Variants in CTDP1 observed in about 807,000 individuals in gnomAD.
The protein encoded by CTDP1 is CTD phosphatase 1, also known as RNA polymerase II subunit A C-terminal domain phosphatase.
CTDP1 carries 47 observed loss-of-function variants against 91.8 expected under a neutral mutation model. The ratio of observed to expected loss-of-function variants is 0.51; its 90% CI spans 0.41 to 0.65. The LOEUF is 0.65. Ranked by LOEUF, CTDP1 falls within the 30% of genes least tolerant of loss-of-function variation. CTDP1 has a pLI of 0.00. For synonymous variants in CTDP1, 656 were observed against 598.5 expected (o/e 1.10, Z -1.40); for missense variants, 1,272 against 1,373.7 (o/e 0.93, Z 1.17).
chr18:79,743,038 C>T (rs768576623), intron 12 of CTDP1, among the ~76,000 whole-genome samples: 8 of 152,184 alleles, frequency 5.3e-5, no homozygotes, highest in South Asian at 4.1e-4. Context: ...CCAGTAGCCG[C>T]GCCGAGGAGG....
At chr18:79,716,549 C>T (rs1307237108) in intron 8 of CTDP1, among the ~76,000 whole-genome samples, 6 of 152,196 alleles carry the variant, frequency 3.9e-5, no homozygotes, top group African/African-American at 1.4e-4. Context: ...AGACCCTTCT[C>T]TCCTGAGCGT....
chr18:79,699,419 C>G (rs1433263645), intron 4 of CTDP1, among the ~76,000 whole-genome samples: 1 of 152,040 alleles, frequency 6.6e-6, no homozygotes, highest in Non-Finnish European at 1.5e-5. Context: ...CGCCACCACA[C>G]CTGGCTAATT....
At chr18:79,731,852 G>T (rs560575669) in intron 11 of CTDP1, among the ~76,000 whole-genome samples, 3 of 152,230 alleles carry the variant, frequency 2.0e-5, no homozygotes, top group Non-Finnish European at 4.4e-5. Context: ...CACCAGGAGT[G>T]CTCCCAAGAT....
chr18:79,722,424 C>G (rs2086363499), intron 10 of CTDP1, among the ~76,000 whole-genome samples: 1 of 152,164 alleles, frequency 6.6e-6, no homozygotes, highest in South Asian at 2.1e-4. Flanking sequence ...ATGAAATTTT[C>G]TTCTGTTTTT....
At chr18:79,736,659 A>C in intron 12 of CTDP1, 138 bp downstream of exon 12, 4 of 893,652 alleles carry the variant, frequency 4.5e-6, no homozygotes, top group Non-Finnish European at 6.6e-6. Flanking sequence ...TTCCAAACTC[A>C]GCAGCCCCTG....
In CTDP1 at chr18:79,728,896, A is replaced by G; in HGVS notation, c.2418-11A>G. 6.2e-7 allele frequency: 1 copy of G among 1,613,682 alleles called. No homozygotes were observed. The highest frequency in any genetic ancestry group is 1.1e-5 in the South Asian group (1 of 91,088). ...ACCTTCCTCATGTGGGACCTATGAA[A>G]TTCCTTTCAGAGCGGTTCCGCCACC... On this transcript the variant is annotated splice_polypyrimidine_tract_variant and intron_variant, in intron 10 of 12. Coordinates refer to ENST00000613122, the MANE Select transcript of CTDP1 (RefSeq NM_004715.5).
At chr18:79,739,303 C>T (rs1337175355) in intron 12 of CTDP1, among the ~76,000 whole-genome samples, 2 of 152,180 alleles carry the variant, frequency 1.3e-5, no homozygotes, top group Admixed American at 6.5e-5. Flanking sequence ...GCATCCGTGT[C>T]TCCCCCTGTG....
intron 10 of CTDP1, among the ~76,000 whole-genome samples, chr18:79,725,050 T>A (rs1255710736): frequency 6.6e-6 from 1 of 152,206 alleles, no homozygotes; most frequent in Non-Finnish European, 1.5e-5. Context: ...TGTTGATTGA[T>A]ATGATGGTGT....
At chr18:79,693,758 C>T (rs2085673621) in intron 1 of CTDP1, among the ~76,000 whole-genome samples, 3 of 152,174 alleles carry the variant, frequency 2.0e-5, no homozygotes, top group South Asian at 4.1e-4. Flanking sequence ...CGCCCATCCT[C>T]CTCCCCAGGA....
rs564647902 is a variant in CTDP1 at position 79,715,042 on chromosome 18, C to G, written c.1582C>G (p.Pro528Ala). Reference protein sequence around the residue: ...EPGAHAPDKEPELGGQEEGER... With the variant: ...EPGAHAPDKEAELGGQEEGER... ...TGGCGCGCATGCCCCGGACAAGGAGCCTGAGCTGGGTGGGCAGGAGGAGGG... is the reference window on the plus strand; with the variant it reads ...TGGCGCGCATGCCCCGGACAAGGAGGCTGAGCTGGGTGGGCAGGAGGAGGG... The change falls in exon 8 of 13, where the codon CCT becomes GCT. Residue 528 changes from proline (P) to alanine (A), a missense_variant. Pro to Ala is a conservative substitution (Grantham distance 27). This residue lies in a region of CTDP1 where 881 missense variants were observed against 911.6 expected (regional missense o/e 0.97). Transcript: ENST00000613122. The G allele has an allele frequency of 1.2e-6, 2 of 1,608,690 alleles. No individual in the cohort carries two copies. The highest frequency in any genetic ancestry group is 1.1e-5 in the South Asian group (1 of 90,218).
At chr18:79,689,893 G>A (rs61451023) in intron 1 of CTDP1, among the ~76,000 whole-genome samples, 6,221 of 152,226 alleles carry the variant, frequency 0.041, 284 homozygotes, top group East Asian at 0.2. Context: ...AGCTGTGGCC[G>A]GCGGGATCCC....
chr18:79,712,068 C>G (rs1468092896), intron 6 of CTDP1, among the ~76,000 whole-genome samples: 2 of 152,166 alleles, frequency 1.3e-5, no homozygotes, highest in Admixed American at 1.3e-4. Flanking sequence ...CTTCAGAAAC[C>G]TCCTTTTTGC....
At chr18:79,711,835 CT>C (rs992329252) in intron 6 of CTDP1, among the ~76,000 whole-genome samples, 1 of 152,174 alleles carries the variant, frequency 6.6e-6, no homozygotes, top group South Asian at 2.1e-4. Flanking sequence ...CTTTTATATG[CT>C]TTGACGTTTC....
rs981469374 is a variant in CTDP1 at position 79,704,670 on chromosome 18, G to A, written c.622-97G>A. The A allele has an allele frequency of 6.5e-5, 98 of 1,505,564 alleles. 1 individual carries two copies. The highest frequency in any genetic ancestry group is 4.5e-4 in the South Asian group (40 of 89,100). The allele number at this position is 1,505,564 out of a possible 1,614,324, so 93.3% of individuals were successfully genotyped here. On this transcript the variant is annotated intron_variant, in intron 4 of 12. Transcript: ENST00000613122. Reference sequence around the variant, plus strand: ...TTCAGAACGCTTGTCTGGGGCACACGTGTGTTCTCAGGATGCCTGTCTCGG... The same window carrying A: ...TTCAGAACGCTTGTCTGGGGCACACATGTGTTCTCAGGATGCCTGTCTCGG...
chr18:79,725,802 C>G (rs478133), intron 10 of CTDP1, among the ~76,000 whole-genome samples: 32,352 of 151,802 alleles, frequency 0.21, 3,703 homozygotes, highest in Middle Eastern at 0.31. Flanking sequence ...CAGGACAAGA[C>G]TCTGGGTTGA....
At chr18:79,754,698 A>T (rs1202394428), downstream of CTDP1, 1 of 152,238 alleles carries the variant, frequency 6.6e-6, no homozygotes, top group African/African-American at 2.4e-5. Context: ...CCAGGCTTGT[A>T]GCTGGTATTT....
intron 1 of CTDP1, among the ~76,000 whole-genome samples, chr18:79,694,264 GGCACCTAGGGGTGGGCGC>G (rs2085692972): frequency 7.3e-6 from 1 of 136,612 alleles, no homozygotes; most frequent in Non-Finnish European, 1.6e-5. Context: ...GGGGGCTACA[GGCACCTAGGGGTGGGCGC>G]TGAGTGCTGG....
intron 1 of CTDP1, among the ~76,000 whole-genome samples, chr18:79,694,590 C>T (rs866300090): frequency 6.0e-5 from 8 of 133,740 alleles, no homozygotes; most frequent in Admixed American, 3.1e-4. Flanking sequence ...GTCTCATGTT[C>T]GCAGGGTGGG....
At position 79,679,888 on chromosome 18, in the gene CTDP1, C is replaced by T. The variant is rs1183470170; in HGVS notation, c.-60C>T. The T allele has an allele frequency of 1.5e-6, 2 of 1,314,954 alleles. No homozygotes were observed. Among genetic ancestry groups the T allele is most frequent in the East Asian group, 3.3e-5 (1 of 30,020 alleles). The allele number at this position is 1,314,954 out of a possible 1,614,324, so 81.5% of individuals were successfully genotyped here. A position where few individuals can be genotyped will look rare whatever the true frequency, so the allele number is the denominator to read the frequency against. On this transcript the variant is annotated 5_prime_UTR_variant, in exon 1 of 13. Coordinates refer to ENST00000613122, the MANE Select transcript of CTDP1 (RefSeq NM_004715.5). The stretch of plus-strand genomic sequence containing the variant: ...GCCTGGGTTGTGTCGCCGCGGTAGG[C>T]GCTGCGCTCTGAGCGCAGCGCAGGC...
Sources: gnomAD v4.1 joint callset for allele counts (sites outside exome capture counted in the v4.1 genomes callset) on GRCh38, gnomAD v4.1.1 for gene constraint, gnomAD v4.1.1 regional missense constraint, MANE v1.5 for transcripts, NCBI Gene and HGNC (gene_info 2026-07-23, HGNC 2026-07-21) for gene names.